RIPOR2: variants seen among roughly 807,000 people sequenced by gnomAD.
RIPOR2 encodes RHO family interacting cell polarization regulator 2, also known as rho family-interacting cell polarization regulator 2.
A neutral mutation model predicts 114.5 loss-of-function variants in RIPOR2; 39 were observed. The ratio of observed to expected loss-of-function variants is 0.34; its 90% CI spans 0.26 to 0.44. RIPOR2 has a LOEUF of 0.44. Ranked by LOEUF, RIPOR2 falls within the 20% of genes least tolerant of loss-of-function variation. RIPOR2 has a pLI of 1.00. For missense variants in RIPOR2, 1,007 were observed against 1,255.1 expected, an observed-to-expected ratio of 0.80 and a Z score of 2.99; for synonymous variants, 445 against 484.4, an observed-to-expected ratio of 0.92 and a Z score of 1.07.
intron 1 of RIPOR2, among the ~76,000 whole-genome samples, chr6:24,889,225 C>G (rs1767103825): frequency 6.6e-6 from 1 of 152,106 alleles, no homozygotes; most frequent in African/African-American, 2.4e-5. Flanking sequence ...TTGCTTTTTT[C>G]TACCCTCAAG....
At chr6:24,911,990 T>C (rs903311970) in intron 1 of RIPOR2, among the ~76,000 whole-genome samples, 4 of 152,204 alleles carry the variant, frequency 2.6e-5, no homozygotes, top group African/African-American at 7.2e-5. Context: ...AAAGGGAACA[T>C]CCTAGGAGAC....
intron 20 of RIPOR2, 92 bp downstream of exon 20, chr6:24,818,450 A>G: frequency 6.5e-6 from 4 of 619,988 alleles, no homozygotes; most frequent in Middle Eastern, 7.5e-4. Context: ...CTAAAAAAGT[A>G]CTTTCAAACA....
intron 1 of RIPOR2, among the ~76,000 whole-genome samples, chr6:24,962,263 C>A (rs996647714): frequency 6.6e-6 from 1 of 152,200 alleles, no homozygotes; most frequent in Non-Finnish European, 1.5e-5. Context: ...GCTGCTTGAA[C>A]AAGTTGTTTG....
intron 1 of RIPOR2, among the ~76,000 whole-genome samples, chr6:24,904,331 T>A (rs901312211): frequency 1.3e-5 from 2 of 152,190 alleles, no homozygotes; most frequent in African/African-American, 2.4e-5. Flanking sequence ...TCACCTGCAT[T>A]CCTTCCCTTG....
intron 1 of RIPOR2, among the ~76,000 whole-genome samples, chr6:25,004,280 A>G (rs1021902498): frequency 8.5e-5 from 13 of 152,238 alleles, no homozygotes; most frequent in African/African-American, 2.9e-4. Flanking sequence ...GGAAAAAAAG[A>G]ACAAGGCACA....
At chr6:24,859,293 T>C (rs4236033) in intron 8 of RIPOR2, among the ~76,000 whole-genome samples, 126,948 of 152,116 alleles carry the variant, frequency 0.83, 53,047 homozygotes, top group African/African-American at 0.85. Flanking sequence ...TTTGAATTAC[T>C]GTTAGGCTGC....
At chr6:24,929,628 C>A (rs141146416) in intron 1 of RIPOR2, among the ~76,000 whole-genome samples, 3 of 152,224 alleles carry the variant, frequency 2.0e-5, no homozygotes, top group South Asian at 4.1e-4. Context: ...CAACTAATAC[C>A]TTTTCTCTTT....
chr6:24,918,348 C>T (rs1312193869), intron 1 of RIPOR2, among the ~76,000 whole-genome samples: 1 of 152,202 alleles, frequency 6.6e-6, no homozygotes, highest in Non-Finnish European at 1.5e-5. Context: ...CTGCTTTTAT[C>T]CAGTCATTCA....
chr6:24,967,909 C>CTTTT (rs35997558), intron 1 of RIPOR2, among the ~76,000 whole-genome samples: 3 of 123,518 alleles, frequency 2.4e-5, no homozygotes, highest in African/African-American at 9.7e-5. Context: ...AGATCTCAAT[C>CTTTT]TTTTTTTTTT....
At chr6:24,809,072 T>C (rs1212252378) in intron 21 of RIPOR2, among the ~76,000 whole-genome samples, 1 of 152,182 alleles carries the variant, frequency 6.6e-6, no homozygotes, top group African/African-American at 2.4e-5. Context: ...TTATACTTTT[T>C]AATACAGAGT....
intron 1 of RIPOR2, among the ~76,000 whole-genome samples, chr6:24,889,884 T>C (rs778288675): frequency 6.6e-6 from 1 of 150,544 alleles, no homozygotes; most frequent in Non-Finnish European, 1.5e-5. Flanking sequence ...TGTTCATTTT[T>C]TTATTTTATT....
intron 13 of RIPOR2, chr6:24,839,798 G>T: frequency 2.9e-6 from 4 of 1,365,046 alleles, no homozygotes; most frequent in Non-Finnish European, 3.8e-6. Context: ...AATTCCAAGT[G>T]GCAATGTCTT....
intron 1 of RIPOR2, among the ~76,000 whole-genome samples, chr6:25,031,700 T>C (rs1478659686): frequency 1.4e-3 from 2 of 1,468 alleles, no homozygotes; most frequent in Admixed American, 0.017. Context: ...AGGTGGTAGT[T>C]ATATATATAT....
At chr6:24,961,165 T>G (rs980786019) in intron 1 of RIPOR2, among the ~76,000 whole-genome samples, 3 of 152,148 alleles carry the variant, frequency 2.0e-5, no homozygotes, top group Non-Finnish European at 2.9e-5. Flanking sequence ...CAAGTTATGA[T>G]ACAAGACAGG....
intron 1 of RIPOR2, among the ~76,000 whole-genome samples, chr6:24,967,011 C>A (rs372270153): frequency 6.6e-5 from 10 of 152,148 alleles, no homozygotes; most frequent in Non-Finnish European, 1.0e-4. Context: ...GGAGGCAGTG[C>A]GGACACGGAC....
chr6:24,947,651 C>A (rs1464727335), intron 1 of RIPOR2, among the ~76,000 whole-genome samples: 1 of 151,540 alleles, frequency 6.6e-6, no homozygotes, highest in Non-Finnish European at 1.5e-5. Flanking sequence ...AATTAGCAGC[C>A]TTGATCTTCT....
At chr6:24,965,907 A>C (rs1355028938) in intron 1 of RIPOR2, among the ~76,000 whole-genome samples, 2 of 152,324 alleles carry the variant, frequency 1.3e-5, no homozygotes, top group East Asian at 1.9e-4. Flanking sequence ...ACTATGGACA[A>C]ATTTGTTTCT....
chr6:25,039,510 A>G (rs1040997780), intron 1 of RIPOR2, among the ~76,000 whole-genome samples: 1 of 152,250 alleles, frequency 6.6e-6, no homozygotes, highest in African/African-American at 2.4e-5. Flanking sequence ...TACATTCAAC[A>G]TCTATTAATA....
intron 1 of RIPOR2, among the ~76,000 whole-genome samples, chr6:24,898,083 A>T (rs979634671): frequency 6.6e-6 from 1 of 152,056 alleles, no homozygotes; most frequent in African/African-American, 2.4e-5. Context: ...GGAAGCAAGG[A>T]AGGAAGGAAA....
Sources: allele counts gnomAD v4.1 joint callset (sites outside exome capture counted in the v4.1 genomes callset), GRCh38; gene constraint gnomAD v4.1.1; transcripts MANE v1.5; gene names NCBI Gene and HGNC (gene_info 2026-07-23, HGNC 2026-07-21).